The following TLE4 variants were observed in gnomAD, a reference collection of about 807,000 sequenced individuals.
TLE4 encodes the protein transducin-like enhancer protein 4.
A neutral mutation model predicts 92.8 loss-of-function variants in TLE4; 8 were observed. The ratio of observed to expected loss-of-function variants is 0.09; its 90% CI spans 0.05 to 0.16. The LOEUF is 0.16. TLE4 is among the 10% of genes least tolerant of loss of function. The pLI is 1.00. For synonymous variants in TLE4, 371 were observed against 374.1 expected, an observed-to-expected ratio of 0.99 and a Z score of 0.10; for missense variants, 675 against 997.6, an observed-to-expected ratio of 0.68 and a Z score of 4.36.
intron 13 of TLE4, 30 bp from the exon 14 acceptor site, chr9:79,709,592 AT>A: frequency 6.2e-7 from 1 of 1,604,628 alleles, no homozygotes; most frequent in Non-Finnish European, 8.5e-7. Flanking sequence ...AACTGTGCTT[AT>A]TTCTGTTGTT....
At chr9:79,633,269 G>A (rs1330218455) in intron 6 of TLE4, among the ~76,000 whole-genome samples, 1 of 152,130 alleles carries the variant, frequency 6.6e-6, no homozygotes, top group Admixed American at 6.5e-5. Context: ...TTTCTGATTT[G>A]TGCTTGTGAT....
chr9:79,661,693 AT>A (rs1185540326), intron 8 of TLE4, among the ~76,000 whole-genome samples: 3 of 152,260 alleles, frequency 2.0e-5, no homozygotes, highest in African/African-American at 7.2e-5. Context: ...AAATGTTAGC[AT>A]TGAATACTTA....
At chr9:79,613,120 G>T (rs1340509986) in intron 5 of TLE4, among the ~76,000 whole-genome samples, 1 of 152,116 alleles carries the variant, frequency 6.6e-6, no homozygotes, top group African/African-American at 2.4e-5. Context: ...CAAATGGAAA[G>T]ACTTTTTGTA....
At chr9:79,636,963 A>G (rs2056019258) in intron 6 of TLE4, among the ~76,000 whole-genome samples, 1 of 152,148 alleles carries the variant, frequency 6.6e-6, no homozygotes, top group African/African-American at 2.4e-5. Flanking sequence ...TCTCCGTACA[A>G]TTTTGAGCCA....
intron 2 of TLE4, 189 bp downstream of exon 2, chr9:79,573,975 C>T (rs962926114): frequency 2.0e-5 from 8 of 391,694 alleles, no homozygotes; most frequent in Admixed American, 1.7e-4. Flanking sequence ...TTAAACATTT[C>T]TTCTACCGTA....
intron 7 of TLE4, among the ~76,000 whole-genome samples, chr9:79,653,082 C>T (rs144133736): frequency 6.6e-6 from 1 of 152,292 alleles, no homozygotes; most frequent in Non-Finnish European, 1.5e-5. Flanking sequence ...AATGAAATCC[C>T]ATGATGCTCT....
chr9:79,707,495 CA>C (rs576472292), intron 11 of TLE4, among the ~76,000 whole-genome samples: 61 of 152,084 alleles, frequency 4.0e-4, no homozygotes, highest in Admixed American at 3.7e-3. Flanking sequence ...TGTAACATAA[CA>C]TTTAAAAAAA....
intron 5 of TLE4, among the ~76,000 whole-genome samples, chr9:79,613,694 A>G (rs1232018251): frequency 3.9e-5 from 6 of 152,112 alleles, no homozygotes; most frequent in Non-Finnish European, 7.4e-5. Flanking sequence ...ACTGCTTTTC[A>G]GGAGAGAGGT....
Position 79,707,028 on chromosome 9 carries a change from AT to A in TLE4, c.936+132del, listed in dbSNP as rs1413985756. On this transcript the variant is annotated intron_variant, in intron 11 of 19. Coordinates refer to ENST00000376552, the MANE Select transcript of TLE4 (RefSeq NM_007005.6). ...ATTTCCAAATGTATATATGTTCGGT[AT>A]TTAAGTTTAATTGGCAAAAGTATGT... The A allele has an allele frequency of 2.5e-5, 39 of 1,566,018 alleles. No individual in the cohort carries two copies. The African/African-American group carries it at 4.9e-4, about 20-fold the overall frequency.
At chr9:79,689,474 GC>G (rs1588279237) in intron 8 of TLE4, among the ~76,000 whole-genome samples, 1 of 152,052 alleles carries the variant, frequency 6.6e-6, no homozygotes, top group African/African-American at 2.4e-5. Flanking sequence ...ATCTCATAAT[GC>G]CCACTTTATT....
At chr9:79,575,930 T>G (rs1352335067) in intron 3 of TLE4, 1 of 385,476 alleles carries the variant, frequency 2.6e-6, no homozygotes, top group Non-Finnish European at 4.6e-6. Context: ...TTTTCTTAGT[T>G]TTGTGTGTTT....
At chr9:79,669,013 T>C (rs903677265) in intron 8 of TLE4, among the ~76,000 whole-genome samples, 2 of 152,184 alleles carry the variant, frequency 1.3e-5, no homozygotes, top group Non-Finnish European at 2.9e-5. Context: ...TCTGCTCGAT[T>C]ATTTCATTTT....
chr9:79,691,123 C>G (rs1396617143), intron 8 of TLE4, among the ~76,000 whole-genome samples: 1 of 152,076 alleles, frequency 6.6e-6, no homozygotes, highest in African/African-American at 2.4e-5. Flanking sequence ...CCCAGTAGCC[C>G]TCCAGTCTAA....
At chr9:79,632,015 C>T (rs1041605223) in intron 6 of TLE4, among the ~76,000 whole-genome samples, 2 of 152,138 alleles carry the variant, frequency 1.3e-5, no homozygotes, top group East Asian at 1.9e-4. Flanking sequence ...CCTGGGCCCA[C>T]CGTGTACCCC....
chr9:79,623,444 T>C (rs2051580954), intron 5 of TLE4, among the ~76,000 whole-genome samples: 1 of 152,166 alleles, frequency 6.6e-6, no homozygotes, highest in African/African-American at 2.4e-5. Context: ...AAAAAATATA[T>C]TAGTACTTTG....
intron 8 of TLE4, among the ~76,000 whole-genome samples, chr9:79,664,500 C>T (rs975895525): frequency 4.6e-5 from 7 of 152,168 alleles, no homozygotes; most frequent in Non-Finnish European, 8.8e-5. Flanking sequence ...GAATTGGATG[C>T]GTAGGCTGGA....
chr9:79,713,857 GTT>G (rs2073922504), intron 14 of TLE4, among the ~76,000 whole-genome samples: 1 of 151,122 alleles, frequency 6.6e-6, no homozygotes, highest in Non-Finnish European at 1.5e-5. Flanking sequence ...GTTGTTTGTT[GTT>G]GTTGTTGTTG....
intron 6 of TLE4, among the ~76,000 whole-genome samples, chr9:79,641,643 G>A (rs960267827): frequency 2.0e-5 from 3 of 152,108 alleles, no homozygotes; most frequent in African/African-American, 7.2e-5. Context: ...GCTGTCATTT[G>A]CATCCTGCAG....
intron 8 of TLE4, among the ~76,000 whole-genome samples, chr9:79,699,402 T>C (rs2069141497): frequency 6.6e-6 from 1 of 152,216 alleles, no homozygotes; most frequent in Admixed American, 6.5e-5. Flanking sequence ...GTGACTGAAC[T>C]ATAGTTAAGA....
Sources: allele counts gnomAD v4.1 joint callset (sites outside exome capture counted in the v4.1 genomes callset), GRCh38; gene constraint gnomAD v4.1.1; transcripts MANE v1.5; gene names NCBI Gene and HGNC (gene_info 2026-07-23, HGNC 2026-07-21).